The following C1QTNF3 variants were observed in gnomAD, a reference collection of about 807,000 sequenced individuals.
C1QTNF3 encodes the protein complement C1q tumor necrosis factor-related protein 3.
Under a neutral mutation model 32.6 loss-of-function variants are expected in C1QTNF3, and 26 were observed. The ratio of observed to expected loss-of-function variants is 0.80; its 90% CI spans 0.58 to 1.11. The LOEUF (loss-of-function observed/expected upper bound fraction) is 1.11, where lower values mean the gene tolerates loss of function less well. Ranked by LOEUF, C1QTNF3 falls within the 50% of genes least tolerant of loss-of-function variation. The probability of loss-of-function intolerance (pLI) is 0.00; values close to 1 mark genes in which losing one functional copy is unlikely to be tolerated. For missense variants in C1QTNF3, 362 were observed against 398.2 expected (o/e 0.91, Z 0.77); for synonymous variants, 155 against 146.0 (o/e 1.06, Z -0.44).
the C1QTNF3 span, among the ~76,000 whole-genome samples, chr5:34,091,151 C>A: frequency 8.1e-4 from 124 of 152,258 alleles, no homozygotes; most frequent in Non-Finnish European, 1.5e-3. Flanking sequence ...TGGAAATGAC[C>A]TACCCCGCTT....
chr5:34,147,889 G>A, the C1QTNF3 span, among the ~76,000 whole-genome samples: 1 of 152,196 alleles, frequency 6.6e-6, no homozygotes, highest in Admixed American at 6.5e-5. Context: ...CCGGTCTACA[G>A]CTCCCAGCGT....
chr5:34,196,854 G>T, the C1QTNF3 span, among the ~76,000 whole-genome samples: 2 of 152,290 alleles, frequency 1.3e-5, no homozygotes, highest in Non-Finnish European at 2.9e-5. Context: ...TAGAGATGGG[G>T]TTTCACCGTC....
At chr5:34,062,491 C>T in the C1QTNF3 span, among the ~76,000 whole-genome samples, 1 of 152,154 alleles carries the variant, frequency 6.6e-6, no homozygotes, top group South Asian at 2.1e-4. Context: ...AGAAGGAGAG[C>T]GAGCAGTAAA....
chr5:34,035,549 A>G lies in C1QTNF3; in HGVS notation c.415+98T>C, dbSNP rs116609710. On this transcript the variant is annotated intron_variant, in intron 2 of 5. Coordinates refer to ENST00000382065, the MANE Select transcript of C1QTNF3 (RefSeq NM_181435.6). ...GCCAAGAGTCTAGCGGATCCTTTGGATCACACAGAAGTGATCCCAAATTAT... is the reference window on the plus strand; with the variant it reads ...GCCAAGAGTCTAGCGGATCCTTTGGGTCACACAGAAGTGATCCCAAATTAT... 4,935 of 884,688 alleles carry G rather than the reference A, an allele frequency of 5.6e-3. 42 individuals are homozygous for G. The highest frequency in any genetic ancestry group is 0.031 in the African/African-American group (1,854 of 59,116). 54.8% of individuals were successfully genotyped at this position (884,688 alleles called of 1,614,324 possible).
At chr5:34,180,919 C>T in the C1QTNF3 span, among the ~76,000 whole-genome samples, 1 of 152,358 alleles carries the variant, frequency 6.6e-6, no homozygotes, top group African/African-American at 2.4e-5. Flanking sequence ...GGATTACAGA[C>T]GTCCACCACC....
the C1QTNF3 span, among the ~76,000 whole-genome samples, chr5:34,064,833 C>T: frequency 6.6e-6 from 1 of 152,158 alleles, no homozygotes; most frequent in Non-Finnish European, 1.5e-5. Flanking sequence ...CTCTTAAGGC[C>T]TTCAACTGAT....
the C1QTNF3 span, chr5:34,165,190 CT>C: frequency 1.3e-5 from 2 of 152,082 alleles, no homozygotes; most frequent in Non-Finnish European, 2.9e-5. Flanking sequence ...GGCCTTTGGC[CT>C]CTGACTGAGA....
the C1QTNF3 span, among the ~76,000 whole-genome samples, chr5:34,067,830 T>C: frequency 6.6e-6 from 1 of 152,206 alleles, no homozygotes; most frequent in African/African-American, 2.4e-5. Context: ...TTAAACTGTT[T>C]ACTGTTTTAT....
At chr5:34,026,622 C>T (rs1426975686) in intron 4 of C1QTNF3, among the ~76,000 whole-genome samples, 2 of 152,036 alleles carry the variant, frequency 1.3e-5, no homozygotes, top group East Asian at 1.9e-4. Flanking sequence ...TAGGGCCATA[C>T]TTAAAAGAAT....
the C1QTNF3 span, among the ~76,000 whole-genome samples, chr5:34,091,045 A>G: frequency 6.6e-6 from 1 of 152,314 alleles, no homozygotes; most frequent in African/African-American, 2.4e-5. Context: ...AAGGGCAGAA[A>G]ATAAGCATTG....
chr5:34,226,114 G>A, the C1QTNF3 span, among the ~76,000 whole-genome samples: 8 of 151,704 alleles, frequency 5.3e-5, no homozygotes, highest in East Asian at 1.9e-4. Context: ...TTCCAAATCC[G>A]GGCCACAAGT....
chr5:34,023,098 G>T (rs943869913), intron 5 of C1QTNF3, among the ~76,000 whole-genome samples: 7 of 152,076 alleles, frequency 4.6e-5, no homozygotes, highest in Admixed American at 3.9e-4. Flanking sequence ...CTCGTGATCT[G>T]TCCACCTCGG....
the C1QTNF3 span, chr5:34,158,420 T>C: frequency 1.3e-5 from 2 of 152,130 alleles, no homozygotes; most frequent in Non-Finnish European, 2.9e-5. Flanking sequence ...CCTGCTCTTT[T>C]TCAGGTGGCC....
intron 1 of C1QTNF3, among the ~76,000 whole-genome samples, chr5:34,041,240 A>C (rs944605643): frequency 6.6e-6 from 1 of 152,174 alleles, no homozygotes; most frequent in African/African-American, 2.4e-5. Flanking sequence ...TGTAGTGAAA[A>C]CTTCCAGAAT....
At chr5:34,132,429 G>GTGTA in the C1QTNF3 span, among the ~76,000 whole-genome samples, 120 of 34,394 alleles carry the variant, frequency 3.5e-3, no homozygotes, top group African/African-American at 0.011. Flanking sequence ...GTATGTGTAT[G>GTGTA]TGTATGTATA....
the C1QTNF3 span, among the ~76,000 whole-genome samples, chr5:34,163,981 A>T: frequency 6.6e-6 from 1 of 152,230 alleles, no homozygotes; most frequent in African/African-American, 2.4e-5. Flanking sequence ...TGGAACAAAG[A>T]TATAAAATAA....
the C1QTNF3 span, among the ~76,000 whole-genome samples, chr5:34,241,951 G>GGGAAGGAAGGAAGGAAGGAAGGAA: frequency 1.1e-5 from 1 of 90,082 alleles, no homozygotes; most frequent in African/African-American, 3.5e-5. Flanking sequence ...AAGGGAGGGA[G>GGGAAGGAAGGAAGGAAGGAAGGAA]GGAAGGAAGG....
intron 4 of C1QTNF3, among the ~76,000 whole-genome samples, chr5:34,024,653 A>C (rs1445779511): frequency 6.6e-6 from 1 of 152,226 alleles, no homozygotes; most frequent in Non-Finnish European, 1.5e-5. Flanking sequence ...CATTTGGAAA[A>C]GACCAACATA....
the C1QTNF3 span, among the ~76,000 whole-genome samples, chr5:34,075,982 A>T: frequency 6.6e-3 from 994 of 151,498 alleles, 12 homozygotes; most frequent in Middle Eastern, 0.024. Context: ...TATGAGGGAA[A>T]CTTAAAGACA....
Sources: gnomAD v4.1 joint callset for allele counts (sites outside exome capture counted in the v4.1 genomes callset) on GRCh38, gnomAD v4.1.1 for gene constraint, MANE v1.5 for transcripts, NCBI Gene and HGNC (gene_info 2026-07-23, HGNC 2026-07-21) for gene names.